The following EZH2 variants were observed in gnomAD, a reference collection of about 807,000 sequenced individuals.
EZH2 encodes histone-lysine N-methyltransferase EZH2.
A neutral mutation model predicts 98.4 loss-of-function variants in EZH2; 18 were observed. The ratio of observed to expected loss-of-function variants is 0.18; its 90% CI spans 0.13 to 0.27. The LOEUF (loss-of-function observed/expected upper bound fraction) is 0.27, where lower values mean the gene tolerates loss of function less well. Among genes scored for constraint, EZH2 ranks in the 10% least tolerant of loss-of-function variants. EZH2 has a pLI of 1.00. For synonymous variants in EZH2, 338 were observed against 312.3 expected, an observed-to-expected ratio of 1.08 and a Z score of -0.87; for missense variants, 470 against 935.1, an observed-to-expected ratio of 0.50 and a Z score of 6.49.
chr7:148,835,627 C>A (rs1810704052), intron 3 of EZH2, among the ~76,000 whole-genome samples: 1 of 151,262 alleles, frequency 6.6e-6, no homozygotes, highest in South Asian at 2.1e-4. Context: ...ACTTAAAGTA[C>A]AAAACAATTT....
At chr7:148,855,219 G>A (rs1816614763) in intron 1 of EZH2, among the ~76,000 whole-genome samples, 1 of 152,260 alleles carries the variant, frequency 6.6e-6, no homozygotes, top group Admixed American at 6.5e-5. Context: ...AGCAGAGAGA[G>A]TGCTGTCATG....
At chr7:148,817,680 G>C (rs1804932567) in intron 10 of EZH2, 197 bp downstream of exon 10, 4 of 768,378 alleles carry the variant, frequency 5.2e-6, no homozygotes, top group Non-Finnish European at 8.3e-6. Context: ...AAACAACCAA[G>C]CAGGGCAAAC....
intron 1 of EZH2, among the ~76,000 whole-genome samples, chr7:148,871,403 T>TAAAAAAA (rs71529646): frequency 1.4e-3 from 124 of 88,578 alleles, no homozygotes; most frequent in Middle Eastern, 9.3e-3. Context: ...GACGAATAAT[T>TAAAAAAA]AAAAAAAAAA....
At chr7:148,844,145 T>C (rs1270872309) in intron 3 of EZH2, among the ~76,000 whole-genome samples, 2 of 152,202 alleles carry the variant, frequency 1.3e-5, no homozygotes, top group Non-Finnish European at 2.9e-5. Flanking sequence ...CAAACAAGAA[T>C]CACTTTTATT....
chr7:148,849,336 G>T (rs1386144384), intron 1 of EZH2, among the ~76,000 whole-genome samples: 1 of 152,160 alleles, frequency 6.6e-6, no homozygotes, highest in Non-Finnish European at 1.5e-5. Flanking sequence ...GAAATCTTAG[G>T]TCTGAGCAAG....
intron 1 of EZH2, among the ~76,000 whole-genome samples, chr7:148,878,295 C>G (rs1820453781): frequency 2.0e-5 from 3 of 152,164 alleles, no homozygotes; most frequent in Admixed American, 2.0e-4. Context: ...CCCTGGTAAC[C>G]TCTATTCTAC....
chr7:148,834,364 C>G (rs555308624), intron 3 of EZH2, among the ~76,000 whole-genome samples: 2 of 149,136 alleles, frequency 1.3e-5, no homozygotes, highest in African/African-American at 2.5e-5. Context: ...CACACACACA[C>G]ACACACACAC....
chr7:148,831,446 C>T (rs759160094), intron 4 of EZH2, among the ~76,000 whole-genome samples: 2 of 152,174 alleles, frequency 1.3e-5, no homozygotes, highest in Non-Finnish European at 2.9e-5. Flanking sequence ...TCCTGCTCTC[C>T]AAAACGTATC....
intron 8 of EZH2, among the ~76,000 whole-genome samples, chr7:148,824,514 A>AGTG (rs745780724): frequency 3.3e-5 from 5 of 152,200 alleles, no homozygotes; most frequent in Non-Finnish European, 5.9e-5. Context: ...TATCCAGTAC[A>AGTG]GTGGCATGCT....
chr7:148,815,398 C>T (rs1804279140), intron 13 of EZH2, 108 bp downstream of exon 13: 2 of 1,165,248 alleles, frequency 1.7e-6, no homozygotes, highest in African/African-American at 1.5e-5. Context: ...ATACAGAAGG[C>T]AATTATATTA....
Position 148,811,694 on chromosome 7 carries a change from C to T in EZH2, c.1878G>A (p.Val626=). ...CTTTGATAAAAATCCCCCAGCCTGC[C>T]ACGTCAGATGGTGCCAGCAATAGAT... The part of the protein sequence containing the change: ...KKHLLLAPSD[V]AGWGIFIKDP... The change falls in exon 16 of 20, where the codon GTG becomes GTA. Residue 626 remains valine, a synonymous_variant. Transcript: ENST00000320356. 6.2e-7 allele frequency: 1 copy of T among 1,613,110 alleles called. No individual in the cohort carries two copies. Among genetic ancestry groups the T allele is most frequent in the Non-Finnish European group, 8.5e-7 (1 of 1,180,018 alleles).
At chr7:148,844,839 A>G (rs1330085084) in intron 3 of EZH2, among the ~76,000 whole-genome samples, 2 of 152,158 alleles carry the variant, frequency 1.3e-5, no homozygotes, top group Non-Finnish European at 2.9e-5. Flanking sequence ...GTATGTCAAT[A>G]ATGTACTTCA....
At chr7:148,883,250 C>CA (rs1821266256) in intron 1 of EZH2, 2 of 152,226 alleles carry the variant, frequency 1.3e-5, no homozygotes, top group Admixed American at 6.5e-5. Flanking sequence ...CTCCCGCTTT[C>CA]AAAAAGTAAC....
intron 1 of EZH2, among the ~76,000 whole-genome samples, chr7:148,882,126 T>C (rs1821096963): frequency 6.6e-6 from 1 of 152,198 alleles, no homozygotes; most frequent in Non-Finnish European, 1.5e-5. Flanking sequence ...AACGTTACTT[T>C]TTTGTTATAA....
At position 148,818,025 on chromosome 7, in the gene EZH2, G is replaced by A; in HGVS notation, c.1092C>T (p.Pro364=). ...GGGTGCTGGGCCTGCTACTGTTATTGGGAAGCCGTCCTCTTCTGCGGCCTC... is the reference window on the plus strand; with the variant it reads ...GGGTGCTGGGCCTGCTACTGTTATTAGGAAGCCGTCCTCTTCTGCGGCCTC... ...RPGGRRRGRL[P]NNSSRPSTPT... The change falls in exon 10 of 20, where the codon CCC becomes CCT. Residue 364 remains proline, a synonymous_variant. Transcript: ENST00000320356. 1 of 1,614,066 alleles carries A rather than the reference G, an allele frequency of 6.2e-7. No homozygotes were observed. Among genetic ancestry groups the A allele is most frequent in the Non-Finnish European group, 8.5e-7 (1 of 1,180,020 alleles).
At chr7:148,872,707 T>G (rs1204432950) in intron 1 of EZH2, among the ~76,000 whole-genome samples, 3 of 152,226 alleles carry the variant, frequency 2.0e-5, no homozygotes, top group Non-Finnish European at 4.4e-5. Flanking sequence ...TTCCACTGTT[T>G]AAAAATAATT....
chr7:148,816,978 T>G lies in EZH2; in HGVS notation c.1411-200A>C, dbSNP rs1241935926. ...CTGGTCAAGAACTGTGATGCTAAAT[T>G]TCAATTCTTACTAGCTTTTAAAAGC... On this transcript the variant is annotated intron_variant, in intron 11 of 19. Transcript: ENST00000320356. 3 of 596,072 alleles carry G rather than the reference T, an allele frequency of 5.0e-6. No homozygotes were observed. In the East Asian group the frequency reaches 8.4e-5, roughly 17 times the overall value. 36.9% of individuals were successfully genotyped at this position (596,072 alleles called of 1,614,324 possible).
At chr7:148,810,978 T>C (rs1044652251) in intron 16 of EZH2, among the ~76,000 whole-genome samples, 7 of 151,654 alleles carry the variant, frequency 4.6e-5, no homozygotes, top group South Asian at 2.1e-4. Context: ...GGTAACACTG[T>C]CGACAATTTA....
At chr7:148,813,769 C>G (rs1038015479) in intron 15 of EZH2, among the ~76,000 whole-genome samples, 190 bp downstream of exon 15, 6 of 152,122 alleles carry the variant, frequency 3.9e-5, no homozygotes, top group Non-Finnish European at 8.8e-5. Flanking sequence ...GTATGGTGCT[C>G]TATATAAAAC....
Sources: allele counts gnomAD v4.1 joint callset (sites outside exome capture counted in the v4.1 genomes callset), GRCh38; gene constraint gnomAD v4.1.1; transcripts MANE v1.5; gene names NCBI Gene and HGNC (gene_info 2026-07-23, HGNC 2026-07-21).